The following MEGF11 variants were observed in gnomAD, a reference collection of about 807,000 sequenced individuals.
MEGF11 encodes multiple epidermal growth factor-like domains protein 11.
MEGF11 carries 126 observed loss-of-function variants against 146.6 expected under a neutral mutation model. The observed-to-expected ratio is 0.86, with a 90% CI of 0.74 to 1.00. The LOEUF is 1.00. Ranked by LOEUF, MEGF11 falls within the 50% of genes least tolerant of loss-of-function variation. MEGF11 has a pLI of 0.00. For missense variants in MEGF11, 1,509 were observed against 1,521.2 expected (o/e 0.99, Z 0.13); for synonymous variants, 532 against 583.4 (o/e 0.91, Z 1.27).
At chr15:66,029,791 G>A (rs1026067981) in intron 5 of MEGF11, among the ~76,000 whole-genome samples, 1 of 152,068 alleles carries the variant, frequency 6.6e-6, no homozygotes, top group African/African-American at 2.4e-5. Flanking sequence ...CAACATCAAC[G>A]CCCCTCCTGG....
intron 1 of MEGF11, among the ~76,000 whole-genome samples, chr15:66,251,740 C>A (rs1332888274): frequency 6.6e-6 from 1 of 152,248 alleles, no homozygotes; most frequent in African/African-American, 2.4e-5. Context: ...TTTATCTACT[C>A]TTCCTCCCGT....
chr15:66,071,080 C>T (rs1353872813), intron 5 of MEGF11, among the ~76,000 whole-genome samples: 1 of 152,082 alleles, frequency 6.6e-6, no homozygotes, highest in Non-Finnish European at 1.5e-5. Context: ...CTGTTCTGTG[C>T]CAAGCATTGT....
At chr15:66,088,296 G>A (rs952329787) in intron 5 of MEGF11, among the ~76,000 whole-genome samples, 5 of 152,212 alleles carry the variant, frequency 3.3e-5, no homozygotes, top group African/African-American at 1.2e-4. Context: ...ACAAGATAAA[G>A]AAGGAACTCT....
chr15:65,981,018 T>C, intron 6 of MEGF11, 120 bp from the exon 7 acceptor site: 1 of 1,270,122 alleles, frequency 7.9e-7, no homozygotes, highest in Admixed American at 3.3e-5. Context: ...AGGCACAGCA[T>C]CCGCTGAACT....
intron 5 of MEGF11, among the ~76,000 whole-genome samples, chr15:65,989,424 G>C (rs2081965862): frequency 6.6e-6 from 1 of 152,202 alleles, no homozygotes; most frequent in Non-Finnish European, 1.5e-5. Context: ...GCCCCTCCCA[G>C]AAAGGTCTGT....
chr15:66,151,861 C>G (rs1026676), intron 1 of MEGF11, among the ~76,000 whole-genome samples: 26,478 of 152,210 alleles, frequency 0.17, 3,887 homozygotes, highest in African/African-American at 0.4. Context: ...AGGGCTGGCT[C>G]CCTCCCCACC....
intron 5 of MEGF11, among the ~76,000 whole-genome samples, chr15:66,034,281 G>T (rs1023282321): frequency 1.3e-5 from 2 of 152,116 alleles, no homozygotes; most frequent in Non-Finnish European, 2.9e-5. Context: ...ATGAGACTCT[G>T]GACTTTGGAC....
In MEGF11 at chr15:65,906,156, CAT is replaced by C; in HGVS notation, c.2999-17_2999-16del. The C allele has an allele frequency of 6.2e-7, 1 of 1,600,488 alleles. No individual in the cohort carries two copies. The highest frequency in any genetic ancestry group is 8.5e-7 in the Non-Finnish European group (1 of 1,172,090). On this transcript the variant is annotated splice_polypyrimidine_tract_variant and intron_variant, in intron 23 of 25. Coordinates refer to ENST00000395614, the MANE Select transcript of MEGF11 (RefSeq NM_001385028.1). ...TCCACAAGCACCTGTGTAAAAATAA[CAT>C]GTAAGGAAAGAAAATATGGGGGTGA...
At chr15:66,142,734 G>T (rs2089214770) in intron 1 of MEGF11, among the ~76,000 whole-genome samples, 1 of 152,198 alleles carries the variant, frequency 6.6e-6, no homozygotes, top group African/African-American at 2.4e-5. Flanking sequence ...TGCCCCAGGT[G>T]TGCCAGTAAT....
chr15:65,971,893 AAAAG>A (rs933719456), intron 7 of MEGF11, among the ~76,000 whole-genome samples: 2 of 152,206 alleles, frequency 1.3e-5, no homozygotes, highest in South Asian at 2.1e-4. Flanking sequence ...AAAACCTAAA[AAAAG>A]AGAAGGAAAA....
intron 5 of MEGF11, among the ~76,000 whole-genome samples, chr15:66,050,247 A>G (rs1311695984): frequency 6.6e-6 from 1 of 151,482 alleles, no homozygotes; most frequent in Non-Finnish European, 1.5e-5. Flanking sequence ...TTCTGGTGGA[A>G]AAGACAGAGG....
At chr15:66,045,077 C>A (rs576002589) in intron 5 of MEGF11, among the ~76,000 whole-genome samples, 1 of 152,208 alleles carries the variant, frequency 6.6e-6, no homozygotes, top group African/African-American at 2.4e-5. Flanking sequence ...TAATAAACAT[C>A]CCCCAAATCT....
chr15:66,055,096 C>T (rs1221639485), intron 5 of MEGF11, among the ~76,000 whole-genome samples: 1 of 152,156 alleles, frequency 6.6e-6, no homozygotes, highest in South Asian at 2.1e-4. Flanking sequence ...AAAGACTAAC[C>T]AAGTTAGCTC....
At chr15:65,957,466 A>G (rs1428815794) in intron 10 of MEGF11, 81 bp downstream of exon 10, 1 of 1,370,556 alleles carries the variant, frequency 7.3e-7, no homozygotes, top group Non-Finnish European at 1.0e-6. Flanking sequence ...GTGCAGGGCC[A>G]CAGTCCTGAT....
chr15:65,944,547 CT>C (rs1040616125), intron 10 of MEGF11, among the ~76,000 whole-genome samples: 1 of 152,090 alleles, frequency 6.6e-6, no homozygotes, highest in Non-Finnish European at 1.5e-5. Context: ...GGAGGTCAGG[CT>C]GGGCCCAGCC....
chr15:66,082,514 T>TATAA (rs780791524), intron 5 of MEGF11, among the ~76,000 whole-genome samples: 7,623 of 114,988 alleles, frequency 0.066, 319 homozygotes, highest in Middle Eastern at 0.16. Context: ...TCTATCTATC[T>TATAA]ATAAATAAAT....
chr15:65,908,829 G>A (rs2078707852), intron 23 of MEGF11, among the ~76,000 whole-genome samples: 1 of 152,178 alleles, frequency 6.6e-6, no homozygotes, highest in African/African-American at 2.4e-5. Context: ...TTCACTATGG[G>A]AACAGAATGG....
intron 1 of MEGF11, among the ~76,000 whole-genome samples, chr15:66,230,890 T>C (rs1271582623): frequency 6.6e-6 from 1 of 152,198 alleles, no homozygotes; most frequent in African/African-American, 2.4e-5. Context: ...GGGACTTGGC[T>C]CGTCCAAATC....
chr15:66,188,775 C>T (rs568877871), intron 1 of MEGF11, among the ~76,000 whole-genome samples: 10 of 152,320 alleles, frequency 6.6e-5, no homozygotes, highest in Non-Finnish European at 1.0e-4. Flanking sequence ...ATCAAGCACC[C>T]CACAGAGCAC....
Sources: allele counts gnomAD v4.1 joint callset (sites outside exome capture counted in the v4.1 genomes callset), GRCh38; gene constraint gnomAD v4.1.1; transcripts MANE v1.5; gene names NCBI Gene and HGNC (gene_info 2026-07-23, HGNC 2026-07-21).